PPP1R12B: variants seen among roughly 807,000 people sequenced by gnomAD.
PPP1R12B encodes the protein protein phosphatase 1 regulatory subunit 12B.
A neutral mutation model predicts 126.1 loss-of-function variants in PPP1R12B; 76 were observed. The ratio of observed to expected loss-of-function variants is 0.60; its 90% confidence interval spans 0.50 to 0.73. The LOEUF is 0.73. Ranked by LOEUF, PPP1R12B falls within the 30% of genes least tolerant of loss-of-function variation. The pLI, the probability that PPP1R12B is intolerant of heterozygous loss-of-function variation, is 0.00. For synonymous variants in PPP1R12B, 356 were observed against 434.7 expected, an observed-to-expected ratio of 0.82 and a Z score of 2.25; for missense variants, 1,052 against 1,205.1, an observed-to-expected ratio of 0.87 and a Z score of 1.88.
chr1:202,539,490 C>T (rs1213755504), intron 18 of PPP1R12B, among the ~76,000 whole-genome samples: 2 of 152,152 alleles, frequency 1.3e-5, no homozygotes, highest in African/African-American at 4.8e-5. Context: ...TCTGGGAGGA[C>T]TTAGGGAAAC....
chr1:202,477,717 A>C (rs1572201287), intron 13 of PPP1R12B, among the ~76,000 whole-genome samples: 1 of 152,270 alleles, frequency 6.6e-6, no homozygotes, highest in East Asian at 1.9e-4. Context: ...GTCCATTTAT[A>C]GTGTGTGAAG....
At chr1:202,442,690 C>T in intron 12 of PPP1R12B, 118 bp downstream of exon 12, 1 of 1,125,790 alleles carries the variant, frequency 8.9e-7, no homozygotes, top group Non-Finnish European at 1.2e-6. Flanking sequence ...AAATGAATTA[C>T]TTTCAGGTTT....
chr1:202,463,075 G>A, intron 13 of PPP1R12B: 1 of 984,932 alleles, frequency 1.0e-6, no homozygotes, highest in Admixed American at 6.1e-5. Context: ...CAAGTGCTGG[G>A]CCTGGAATGT....
rs775854214 is a variant in PPP1R12B, at chr1:202,508,880, C to T, written c.2490+12058C>T. Among the ~76,000 whole-genome samples the T allele has an allele frequency of 6.6e-6, 1 of 152,138 alleles. No individual in the cohort carries two copies. The highest frequency in any genetic ancestry group is 1.5e-5 in the Non-Finnish European group (1 of 68,018). On this transcript the variant is annotated intron_variant, in intron 18 of 23. Transcript: ENST00000608999. The surrounding 1 kb of genome is among the most constrained non-coding windows in gnomAD (Gnocchi z 4.5). ...TCTTTGGCACGTGATGCTCTAGGTC[C>T]GCAAACTTTTTATGAAAAGGGCCTG...
rs1297299941 is a variant in PPP1R12B at position 202,575,312 on chromosome 1, G to A, written c.2863-5162G>A. 4.3e-6 allele frequency: 4 copies of A among 933,268 alleles called. No homozygotes were observed. In the Admixed American group the frequency reaches 8.4e-5, roughly 20 times the overall value. The allele number at this position is 933,268 out of a possible 1,614,324, so 57.8% of individuals were successfully genotyped here. A position where few individuals can be genotyped will look rare whatever the true frequency, so the allele number is the denominator to read the frequency against. On this transcript the variant is annotated intron_variant, in intron 23 of 23. Coordinates refer to ENST00000608999, the MANE Select transcript of PPP1R12B (RefSeq NM_002481.4). ...CAGCCAGGACTGAGATCATAGAATG[G>A]GACATACCAGCCTAGGTCAAGGGAG...
chr1:202,434,847 C>G (rs1373596071), intron 9 of PPP1R12B, 79 bp downstream of exon 9: 2 of 1,564,340 alleles, frequency 1.3e-6, no homozygotes, highest in Non-Finnish European at 1.7e-6. Flanking sequence ...CTTAAAGGTA[C>G]ATTCTTGCAA....
chr1:202,580,010 T>A (rs1689444648), intron 23 of PPP1R12B, among the ~76,000 whole-genome samples: 1 of 152,206 alleles, frequency 6.6e-6, no homozygotes, highest in South Asian at 2.1e-4. Context: ...TTGCTCTTGT[T>A]TTTGATGAGA....
At chr1:202,474,544 C>G (rs1186144246) in intron 13 of PPP1R12B, among the ~76,000 whole-genome samples, 2 of 152,162 alleles carry the variant, frequency 1.3e-5, no homozygotes, top group South Asian at 2.1e-4. Context: ...TCCTAAAATG[C>G]TGGAATTATA....
chr1:202,356,987 A>G (rs1657229733), intron 1 of PPP1R12B, among the ~76,000 whole-genome samples: 1 of 151,972 alleles, frequency 6.6e-6, no homozygotes, highest in Admixed American at 6.6e-5. Context: ...ACAACCAGCT[A>G]ATTTTTGTAT....
intron 1 of PPP1R12B, among the ~76,000 whole-genome samples, chr1:202,377,319 CTTT>C (rs775692123): frequency 7.1e-6 from 1 of 141,808 alleles, no homozygotes; most frequent in Non-Finnish European, 1.5e-5. Context: ...AGGGTAGTAT[CTTT>C]TTTTTTTTTT....
chr1:202,408,852 T>C (rs1445165560), intron 1 of PPP1R12B, among the ~76,000 whole-genome samples: 1 of 147,712 alleles, frequency 6.8e-6, no homozygotes, highest in East Asian at 1.9e-4. Flanking sequence ...TCTTTTTTTT[T>C]TTTTTTTTTT....
At chr1:202,525,707 T>G (rs1413001223) in intron 18 of PPP1R12B, among the ~76,000 whole-genome samples, 1 of 151,710 alleles carries the variant, frequency 6.6e-6, no homozygotes, top group Admixed American at 6.6e-5. Flanking sequence ...GGATGTTTTT[T>G]GTTTTGAGAT....
At chr1:202,438,339 C>A in intron 10 of PPP1R12B, 1 of 1,140,616 alleles carries the variant, frequency 8.8e-7, no homozygotes, top group Non-Finnish European at 1.2e-6. Flanking sequence ...GAGGGGGGCA[C>A]AGGACCCCAG....
At chr1:202,424,685 C>T (rs185014995) in intron 3 of PPP1R12B, among the ~76,000 whole-genome samples, 2 of 152,168 alleles carry the variant, frequency 1.3e-5, no homozygotes, top group African/African-American at 2.4e-5. Context: ...GAGTGTAAAA[C>T]TTTTTGAATG....
chr1:202,535,310 A>G (rs1684428433), intron 18 of PPP1R12B, among the ~76,000 whole-genome samples: 1 of 152,150 alleles, frequency 6.6e-6, no homozygotes, highest in African/African-American at 2.4e-5. Flanking sequence ...GGAGCATTTT[A>G]TCAAACATCA....
rs1447879111 is a variant in PPP1R12B at position 202,348,943 on chromosome 1, C to G, written c.92C>G (p.Thr31Arg). The change falls in exon 1 of 24, where the codon ACA (threonine) becomes AGA (arginine). Residue 31 changes from threonine to arginine, a missense_variant. Coordinates refer to ENST00000608999, the MANE Select transcript of PPP1R12B (RefSeq NM_002481.4). The part of the protein sequence containing the change: ...EQLRRWRGSL[T>R]EQEPAERRGA... The stretch of plus-strand genomic sequence containing the variant: ...CTTCGGCGCTGGCGGGGCTCGCTGA[C>G]AGAGCAGGAGCCTGCGGAGCGACGA... 1 of 1,603,396 alleles carries G rather than the reference C, an allele frequency of 6.2e-7. No individual in the cohort carries two copies. Among genetic ancestry groups the G allele is most frequent in the African/African-American group, 1.3e-5 (1 of 74,824 alleles).
intron 1 of PPP1R12B, among the ~76,000 whole-genome samples, chr1:202,353,065 G>A (rs1190536797): frequency 6.6e-6 from 1 of 152,192 alleles, no homozygotes; most frequent in Non-Finnish European, 1.5e-5. Context: ...TATTTCTCAG[G>A]AAGAGAGATG....
At chr1:202,578,068 CCCGCCCCTTGATTTCTACATTCCA>C (rs1315586686) in intron 23 of PPP1R12B, among the ~76,000 whole-genome samples, 35 of 152,186 alleles carry the variant, frequency 2.3e-4, no homozygotes, top group African/African-American at 8.2e-4. Context: ...TGGGGCTTCC[CCCGCCCCTTGATTTCTACATTCCA>C]CCTCTTAACA....
chr1:202,579,137 A>C (rs1488220540), intron 23 of PPP1R12B, among the ~76,000 whole-genome samples: 4 of 152,362 alleles, frequency 2.6e-5, no homozygotes, highest in African/African-American at 9.6e-5. Flanking sequence ...TATTTCCCTG[A>C]TACAAATTAT....
Sources: allele counts gnomAD v4.1 joint callset (sites outside exome capture counted in the v4.1 genomes callset), GRCh38; gene constraint gnomAD v4.1.1; non-coding constraint Gnocchi (gnomAD v3.1); transcripts MANE v1.5; gene names NCBI Gene and HGNC (gene_info 2026-07-23, HGNC 2026-07-21).